The following SHQ1 variants were observed in gnomAD, a reference collection of about 807,000 sequenced individuals.
SHQ1 encodes SHQ1, H/ACA ribonucleoprotein assembly factor, also known as protein SHQ1 homolog.
A neutral mutation model predicts 53.8 loss-of-function variants in SHQ1; 49 were observed. That is an observed-to-expected ratio of 0.91 (90% CI 0.72 to 1.16). SHQ1 has a LOEUF of 1.16. SHQ1 is among the 50% of genes most tolerant of loss of function. The pLI is 0.00. For synonymous variants in SHQ1, 243 were observed against 251.0 expected (o/e 0.97, Z 0.30); for missense variants, 738 against 683.1 (o/e 1.08, Z -0.90).
chr3:72,775,860 C>T (rs28822756), intron 10 of SHQ1, among the ~76,000 whole-genome samples: 49,738 of 151,970 alleles, frequency 0.33, 9,617 homozygotes, highest in African/African-American at 0.54. Flanking sequence ...TAAAAAACTC[C>T]ATGCAAAATA....
At position 72,796,101 on chromosome 3, in the gene SHQ1, C is replaced by CAA. The variant is rs555086403; in HGVS notation, c.1061-3067_1061-3066dup. 5.3e-3 allele frequency among the ~76,000 whole-genome samples: 207 copies of CAA among 39,408 alleles called. 1 individual carries two copies. The highest frequency in any genetic ancestry group is 0.017 in the Middle Eastern group (1 of 60). 25.9% of individuals were successfully genotyped at this position (39,408 alleles called of 152,430 possible). On this transcript the variant is annotated intron_variant, in intron 9 of 10. Coordinates refer to ENST00000325599, the MANE Select transcript of SHQ1 (RefSeq NM_018130.3). ...TAGGTGACAGAGTGAGACTCCATCT[C>CAA]AAAAAAAAAAAAAAAAAAAAAAAGA...
chr3:72,773,024 A>G lies in SHQ1; in HGVS notation c.1181+19892T>C, dbSNP rs546020468. On this transcript the variant is annotated intron_variant, in intron 10 of 10. Transcript: ENST00000325599. ...TCCAAATCTGAAGAACATCATCTGTACTCTAATCCAATCAAAGAAGAAATG... is the reference window on the plus strand; with the variant it reads ...TCCAAATCTGAAGAACATCATCTGTGCTCTAATCCAATCAAAGAAGAAATG... The G allele has an allele frequency of 2.0e-5, 22 of 1,085,202 alleles. No homozygotes were observed. In the East Asian group the frequency reaches 5.0e-4, roughly 25 times the overall value. 67.2% of individuals were successfully genotyped at this position (1,085,202 alleles called of 1,614,324 possible).
intron 10 of SHQ1, among the ~76,000 whole-genome samples, chr3:72,782,452 G>A (rs1044788609): frequency 6.6e-6 from 1 of 152,072 alleles, no homozygotes; most frequent in Non-Finnish European, 1.5e-5. Context: ...AACACTCCAT[G>A]CCCAAAGATA....
rs1206189190 is a variant in SHQ1 at position 72,750,392 on chromosome 3, A to G, written c.1626T>C (p.Leu542=). 1.9e-6 allele frequency: 3 copies of G among 1,614,012 alleles called. No homozygotes were observed. In the South Asian group the frequency reaches 3.3e-5, roughly 18 times the overall value. Residue 542 remains leucine (L), a synonymous_variant, in exon 11 of 11, where the codon CTT becomes CTC. Coordinates refer to ENST00000325599, the MANE Select transcript of SHQ1 (RefSeq NM_018130.3). ...LGVSGPLIEE[L]GEQLKTTVQV... ...GAACTGTAGTCTTCAGTTGTTCCCCAAGCTCCTCTATCAGAGGCCCAGACA... is the reference window on the plus strand; with the variant it reads ...GAACTGTAGTCTTCAGTTGTTCCCCGAGCTCCTCTATCAGAGGCCCAGACA...
At chr3:72,732,356 G>A in the SHQ1 span, among the ~76,000 whole-genome samples, 1 of 117,076 alleles carries the variant, frequency 8.5e-6, no homozygotes, top group South Asian at 3.1e-4. Context: ...ATGCCTGCCT[G>A]CCTGCCTGCC....
intron 2 of SHQ1, among the ~76,000 whole-genome samples, chr3:72,842,942 G>A (rs1250229601): frequency 1.3e-5 from 2 of 152,038 alleles, no homozygotes; most frequent in African/African-American, 4.8e-5. Flanking sequence ...GGGAGTGGTG[G>A]CATGTGCACC....
chr3:72,814,012 T>C (rs967142506), intron 8 of SHQ1, among the ~76,000 whole-genome samples: 10 of 152,020 alleles, frequency 6.6e-5, no homozygotes, highest in African/African-American at 2.2e-4. Context: ...TTCCACAAAA[T>C]TGTTTTTTGA....
intron 10 of SHQ1, among the ~76,000 whole-genome samples, chr3:72,775,652 C>A (rs963961159): frequency 3.3e-5 from 5 of 152,064 alleles, no homozygotes; most frequent in Admixed American, 6.6e-5. Context: ...TAGGCACCCA[C>A]AGAGTTTGCA....
chr3:72,753,110 A>G (rs1339787707), intron 10 of SHQ1: 1 of 985,338 alleles, frequency 1.0e-6, no homozygotes, highest in Non-Finnish European at 1.2e-6. Flanking sequence ...TTCTCCAAAG[A>G]TGACTACTAT....
chr3:72,777,247 A>G (rs1409763842), intron 10 of SHQ1, among the ~76,000 whole-genome samples: 1 of 152,212 alleles, frequency 6.6e-6, no homozygotes, highest in East Asian at 1.9e-4. Context: ...AAAACACTAC[A>G]AGGAGACTGA....
chr3:72,755,493 T>TA (rs1366680827), intron 10 of SHQ1, among the ~76,000 whole-genome samples: 1 of 152,232 alleles, frequency 6.6e-6, no homozygotes, highest in African/African-American at 2.4e-5. Context: ...AATGCTAGGA[T>TA]AAAAACTGAT....
intron 9 of SHQ1, among the ~76,000 whole-genome samples, chr3:72,800,797 C>T (rs545476099): frequency 6.6e-6 from 1 of 152,328 alleles, no homozygotes; most frequent in South Asian, 2.1e-4. Flanking sequence ...GTGGCATATA[C>T]AATTTGTTTA....
chr3:72,807,885 T>C (rs562239974), intron 9 of SHQ1, among the ~76,000 whole-genome samples: 10 of 152,344 alleles, frequency 6.6e-5, no homozygotes, highest in Admixed American at 3.3e-4. Flanking sequence ...AAGTAAGGGC[T>C]ATTAATTACC....
intron 2 of SHQ1, 31 bp downstream of exon 2, chr3:72,844,328 A>G: frequency 6.3e-7 from 1 of 1,590,294 alleles, no homozygotes; most frequent in Non-Finnish European, 8.6e-7. Flanking sequence ...AATCCCAAGA[A>G]ATAAACTAAC....
chr3:72,823,330 T>C (rs889425120), intron 6 of SHQ1, among the ~76,000 whole-genome samples: 4 of 152,166 alleles, frequency 2.6e-5, no homozygotes, highest in Non-Finnish European at 5.9e-5. Flanking sequence ...TGAGTACCTT[T>C]ATATAACAGG....
At chr3:72,788,135 C>A (rs1171740600) in intron 10 of SHQ1, among the ~76,000 whole-genome samples, 1 of 152,124 alleles carries the variant, frequency 6.6e-6, no homozygotes, top group Non-Finnish European at 1.5e-5. Context: ...CCGGCCGCCA[C>A]CCCGTCTAGT....
rs115172885 is a variant in SHQ1, at chr3:72,821,625, C to T, written c.727+2799G>A. 4.3e-3 allele frequency among the ~76,000 whole-genome samples: 653 copies of T among 152,318 alleles called. 3 individuals are homozygous for T. The highest frequency in any genetic ancestry group is 6.6e-3 in the Non-Finnish European group (452 of 68,022). ...GAATGAATCAAAGGTACACCCCTCA[C>T]CTGCACTGTTGTATCTGCCTGGCGA... On this transcript the variant is annotated intron_variant, in intron 6 of 10. Transcript: ENST00000325599.
chr3:72,739,718 A>G, the SHQ1 span, among the ~76,000 whole-genome samples: 1 of 152,246 alleles, frequency 6.6e-6, no homozygotes, highest in Admixed American at 6.5e-5. Context: ...GGGAAGCAGA[A>G]GCCAAGATAG....
At chr3:72,751,498 G>GTATATATA (rs1274696079) in intron 10 of SHQ1, among the ~76,000 whole-genome samples, 1 of 119,862 alleles carries the variant, frequency 8.3e-6, no homozygotes, top group African/African-American at 4.1e-5. Flanking sequence ...GTGTGTGTGT[G>GTATATATA]TGTGTGTGTG....
Sources: gnomAD v4.1 joint callset for allele counts (sites outside exome capture counted in the v4.1 genomes callset) on GRCh38, gnomAD v4.1.1 for gene constraint, MANE v1.5 for transcripts, NCBI Gene and HGNC (gene_info 2026-07-23, HGNC 2026-07-21) for gene names.